The following ARID2 variants were observed in gnomAD, a reference collection of about 807,000 sequenced individuals.
ARID2 encodes AT-rich interaction domain 2.
Under a neutral mutation model 184.6 loss-of-function variants are expected in ARID2, and 32 were observed. The ratio of observed to expected loss-of-function variants is 0.17; its 90% CI spans 0.13 to 0.23. The LOEUF is 0.23. Ranked by LOEUF, ARID2 falls within the 10% of genes least tolerant of loss-of-function variation. ARID2 has a pLI of 1.00. For synonymous variants in ARID2, 836 were observed against 772.6 expected (o/e 1.08, Z -1.36); for missense variants, 1,696 against 2,197.6 (o/e 0.77, Z 4.56).
intron 11 of ARID2, chr12:45,840,417 A>C (rs1272133564): frequency 2.0e-5 from 3 of 152,140 alleles, no homozygotes; most frequent in African/African-American, 7.2e-5. Flanking sequence ...ATTTTCCTTT[A>C]GCTTCTGCTC....
intron 16 of ARID2, among the ~76,000 whole-genome samples, chr12:45,891,163 CA>C (rs111941337): frequency 0.4 from 45,713 of 115,414 alleles, 6,908 homozygotes; most frequent in East Asian, 0.47. Context: ...GACTCCGTCT[CA>C]AAAAAAAAAA....
chr12:45,793,445 A>G (rs1386592866), intron 3 of ARID2, among the ~76,000 whole-genome samples: 3 of 151,384 alleles, frequency 2.0e-5, no homozygotes, highest in African/African-American at 7.3e-5. Flanking sequence ...TTGACCTATC[A>G]CTGTCTAATA....
At chr12:45,837,079 T>G in intron 8 of ARID2, 88 bp downstream of exon 8, 1 of 1,479,700 alleles carries the variant, frequency 6.8e-7, no homozygotes, top group Non-Finnish European at 9.1e-7. Context: ...ATAGTTGCCA[T>G]ATTTATAGAC....
At chr12:45,887,131 A>G (rs1462263852) in intron 16 of ARID2, among the ~76,000 whole-genome samples, 2 of 152,204 alleles carry the variant, frequency 1.3e-5, no homozygotes, top group Non-Finnish European at 2.9e-5. Context: ...AGAAAATACA[A>G]TTTGGCTGAA....
intron 16 of ARID2, among the ~76,000 whole-genome samples, chr12:45,884,438 AT>A (rs1229092543): frequency 6.6e-6 from 1 of 152,192 alleles, no homozygotes; most frequent in Non-Finnish European, 1.5e-5. Context: ...TAATACCTGA[AT>A]TGTACAAATC....
Position 45,851,874 on chromosome 12 carries a change from A to G in ARID2, c.3751A>G (p.Lys1251Glu), listed in dbSNP as rs190392029. ...AATTTGCCAAAAGGAGGAGGAAGCA[A>G]AGGAAGCAACAGGTTTACATGTTCA... Reference protein sequence around the residue: ...KIICQKEEEAKEATGLHVHER... With the variant: ...KIICQKEEEAEEATGLHVHER... Residue 1251 changes from lysine (K) to glutamate (E), a missense_variant, in exon 15 of 21, where the codon AAG (lysine) becomes GAG (glutamate). Lys to Glu is a moderately conservative substitution (Grantham distance 56, BLOSUM62 1). This residue lies in a region of ARID2 where 428 missense variants were observed against 409.1 expected (regional missense o/e 1.05). Transcript: ENST00000334344. 3.3e-5 allele frequency: 54 copies of G among 1,614,204 alleles called. No homozygotes were observed. Among genetic ancestry groups the G allele is most frequent in the Non-Finnish European group, 4.6e-5 (54 of 1,180,016 alleles).
intron 3 of ARID2, among the ~76,000 whole-genome samples, chr12:45,791,605 A>G (rs1433797854): frequency 2.0e-5 from 3 of 151,932 alleles, no homozygotes; most frequent in Non-Finnish European, 4.4e-5. Flanking sequence ...TGATTGATTG[A>G]TTGTTTGAGA....
chr12:45,730,785 C>A (rs1222810782), intron 2 of ARID2, among the ~76,000 whole-genome samples: 1 of 150,966 alleles, frequency 6.6e-6, no homozygotes, highest in East Asian at 2.0e-4. Flanking sequence ...ATGGATAGAT[C>A]TGGGAGAGGG....
intron 6 of ARID2, among the ~76,000 whole-genome samples, chr12:45,825,727 C>T (rs1942983708): frequency 6.6e-6 from 1 of 151,904 alleles, no homozygotes; most frequent in South Asian, 2.1e-4. Context: ...AGTTGGGCAT[C>T]GTGGTGCATG....
rs1264205817 is a variant in ARID2, at chr12:45,906,482, GA to G, written c.*1406del. The stretch of plus-strand genomic sequence containing the variant: ...TATAGACCTAACAGTTTATGTTATA[GA>G]ATGGCTTTATTTACTTTGGTGACTG... On this transcript the variant is annotated 3_prime_UTR_variant, in exon 21 of 21. Coordinates refer to ENST00000334344, the MANE Select transcript of ARID2 (RefSeq NM_152641.4). The G allele has an allele frequency of 2.6e-5, 6 of 232,824 alleles. No individual in the cohort carries two copies. The Admixed American group carries it at 3.4e-4, about 13-fold the overall frequency. 14.4% of individuals were successfully genotyped at this position (232,824 alleles called of 1,614,324 possible). A position where few individuals can be genotyped will look rare whatever the true frequency, so the allele number is the denominator to read the frequency against.
intron 20 of ARID2, among the ~76,000 whole-genome samples, chr12:45,901,677 C>G (rs1265174937): frequency 2.0e-5 from 3 of 151,934 alleles, no homozygotes; most frequent in African/African-American, 7.2e-5. Context: ...CTCCGCCCCC[C>G]AAGACAAGAG....
At position 45,739,841 on chromosome 12, in the gene ARID2, A is replaced by G. The variant is rs538030470; in HGVS notation, c.284+8527A>G. Among the ~76,000 whole-genome samples, 30 of 152,360 alleles carry G rather than the reference A, an allele frequency of 2.0e-4. No individual in the cohort carries two copies. In the South Asian group the frequency reaches 2.9e-3, roughly 15 times the overall value. Reference sequence around the variant, plus strand: ...CTTCTATTACAATAGGTCAAGGAAGAGACCATAGCTAGGGCCCTGTCCAGA... The same window carrying G: ...CTTCTATTACAATAGGTCAAGGAAGGGACCATAGCTAGGGCCCTGTCCAGA... On this transcript the variant is annotated intron_variant, in intron 3 of 20. Transcript: ENST00000334344.
At chr12:45,809,146 C>T (rs1942657110) in intron 3 of ARID2, among the ~76,000 whole-genome samples, 1 of 152,080 alleles carries the variant, frequency 6.6e-6, no homozygotes, top group Non-Finnish European at 1.5e-5. Flanking sequence ...ATTTAATGGT[C>T]TTCATTGTTA....
intron 16 of ARID2, among the ~76,000 whole-genome samples, chr12:45,891,236 C>A (rs1054590916): frequency 6.6e-6 from 1 of 151,690 alleles, no homozygotes; most frequent in African/African-American, 2.4e-5. Flanking sequence ...TTAATACATT[C>A]TTTGCTGTCT....
At chr12:45,887,491 C>G (rs1252589105) in intron 16 of ARID2, among the ~76,000 whole-genome samples, 3 of 151,630 alleles carry the variant, frequency 2.0e-5, no homozygotes, top group East Asian at 1.9e-4. Context: ...ATAAAAGATG[C>G]AAAAGAGGGG....
intron 3 of ARID2, among the ~76,000 whole-genome samples, chr12:45,778,270 C>T (rs1942026006): frequency 1.3e-5 from 2 of 152,046 alleles, no homozygotes; most frequent in African/African-American, 4.8e-5. Context: ...AAGAAAATGC[C>T]TTATTATAGA....
chr12:45,901,137 T>C (rs990982455), intron 20 of ARID2, among the ~76,000 whole-genome samples: 6 of 150,418 alleles, frequency 4.0e-5, no homozygotes, highest in African/African-American at 1.5e-4. Flanking sequence ...TTAATCTATT[T>C]TTTGGAAATT....
chr12:45,790,073 TACTTATA>T (rs1422970177), intron 3 of ARID2, among the ~76,000 whole-genome samples: 1 of 152,220 alleles, frequency 6.6e-6, no homozygotes, highest in Non-Finnish European at 1.5e-5. Flanking sequence ...CCTTCCTCTA[TACTTATA>T]ACTTAGATGT....
chr12:45,747,589 C>T (rs11183193), intron 3 of ARID2, among the ~76,000 whole-genome samples: 18,675 of 152,016 alleles, frequency 0.12, 1,401 homozygotes, highest in Middle Eastern at 0.19. Context: ...GTAGGCCTCT[C>T]AGCAAGTGGG....
Sources: gnomAD v4.1 joint callset for allele counts (sites outside exome capture counted in the v4.1 genomes callset) on GRCh38, gnomAD v4.1.1 for gene constraint, gnomAD v4.1.1 regional missense constraint, MANE v1.5 for transcripts, NCBI Gene and HGNC (gene_info 2026-07-23, HGNC 2026-07-21) for gene names.